The following MSH4 variants were observed in gnomAD, a reference collection of about 807,000 sequenced individuals.
MSH4 encodes mutS protein homolog 4.
MSH4 carries 106 observed loss-of-function variants against 113.7 expected under a neutral mutation model. The observed-to-expected ratio is 0.93, with a 90% CI of 0.80 to 1.10. The LOEUF (loss-of-function observed/expected upper bound fraction) is 1.10. MSH4 is among the 50% of genes least tolerant of loss of function. The pLI, the probability that MSH4 is intolerant of heterozygous loss-of-function variation, is 0.00. For missense variants in MSH4, 1,061 were observed against 1,093.7 expected (o/e 0.97, Z 0.42); for synonymous variants, 368 against 380.2 (o/e 0.97, Z 0.37).
At chr1:75,869,823 A>C (rs1355708789) in intron 9 of MSH4, among the ~76,000 whole-genome samples, 2 of 152,228 alleles carry the variant, frequency 1.3e-5, no homozygotes, top group African/African-American at 4.8e-5. Context: ...CTGTTAGGAC[A>C]GTGCAGAAGG....
At chr1:75,871,334 G>T (rs565280499) in intron 9 of MSH4, among the ~76,000 whole-genome samples, 4 of 152,294 alleles carry the variant, frequency 2.6e-5, no homozygotes, top group African/African-American at 7.2e-5. Flanking sequence ...TTTATGATGA[G>T]ATTTGGGTGG....
At chr1:75,844,418 C>G (rs1214372006) in intron 7 of MSH4, among the ~76,000 whole-genome samples, 1 of 152,126 alleles carries the variant, frequency 6.6e-6, no homozygotes, top group Non-Finnish European at 1.5e-5. Flanking sequence ...CTTCTATCTC[C>G]CTGGCTCAAG....
chr1:75,867,264 A>G (rs1385390409), intron 8 of MSH4, among the ~76,000 whole-genome samples: 1 of 152,192 alleles, frequency 6.6e-6, no homozygotes, highest in Non-Finnish European at 1.5e-5. Flanking sequence ...AACCCAAGAG[A>G]TTGAAATAGA....
At position 75,907,294 on chromosome 1, in the gene MSH4, G is replaced by GT. The variant is rs200567795; in HGVS notation, c.2620-5395dup. 8.4e-4 allele frequency among the ~76,000 whole-genome samples: 128 copies of GT among 152,024 alleles called. No homozygotes were observed. In the East Asian group the frequency reaches 0.019, roughly 23 times the overall value. On this transcript the variant is annotated intron_variant, in intron 19 of 19. Transcript: ENST00000263187. ...CTAGGTATAGTATTCTCAGTTTGCA[G>GT]TTTTTTTCCCTTCAGCACTTTGAAT...
intron 7 of MSH4, among the ~76,000 whole-genome samples, chr1:75,827,931 A>G (rs1650592945): frequency 6.6e-6 from 1 of 152,198 alleles, no homozygotes. Flanking sequence ...CCCACTGTCC[A>G]TATTGTTAAA....
intron 7 of MSH4, among the ~76,000 whole-genome samples, chr1:75,823,532 A>G (rs1650476973): frequency 6.6e-6 from 1 of 152,136 alleles, no homozygotes; most frequent in African/African-American, 2.4e-5. Flanking sequence ...ATAGGTATAC[A>G]TGTGCCATGG....
chr1:75,912,798 A>G lies in MSH4; in HGVS notation c.2722A>G (p.Ser908Gly), dbSNP rs576560640. Residue 908 changes from serine (S) to glycine (G), a missense_variant, in exon 20 of 20, where the codon AGT (serine) becomes GGT (glycine). Coordinates refer to ENST00000263187, the MANE Select transcript of MSH4 (RefSeq NM_002440.4). ...TARNSQLDPD[S>G]LRIYLSNLKK... ...TCGAAACTCTCAATTGGATCCAGAC[A>G]GTTTACGAATATATTTAAGTAACCT... is the stretch of plus-strand genomic sequence containing the variant. 1.9e-6 allele frequency: 3 copies of G among 1,595,644 alleles called. No homozygotes were observed. The highest frequency in any genetic ancestry group is 1.7e-4 in the Middle Eastern group (1 of 6,036).
intron 9 of MSH4, among the ~76,000 whole-genome samples, chr1:75,869,752 G>A (rs889912495): frequency 1.9e-4 from 29 of 152,204 alleles, no homozygotes; most frequent in African/African-American, 5.8e-4. Context: ...GAGGATGTAC[G>A]GAAATGCCTG....
chr1:75,871,016 C>A (rs191622158), intron 9 of MSH4, among the ~76,000 whole-genome samples: 28 of 152,176 alleles, frequency 1.8e-4, no homozygotes, highest in Non-Finnish European at 3.1e-4. Flanking sequence ...TAAAGAACTA[C>A]CAAAGACTGG....
Position 75,885,543 on chromosome 1 carries a change from G to T in MSH4, c.2107+1722G>T, listed in dbSNP as rs571186936. Among the ~76,000 whole-genome samples the T allele has an allele frequency of 2.7e-5, 3 of 112,380 alleles. No homozygotes were observed. The East Asian group carries it at 7.2e-4, about 27-fold the overall frequency. 73.7% of individuals were successfully genotyped at this position (112,380 alleles called of 152,430 possible). A position where few individuals can be genotyped will look rare whatever the true frequency, so the allele number is the denominator to read the frequency against. ...CACATTTATTTCACATTTATATAAT[G>T]AAGGTAATATATATGTATATGTAAA... On this transcript the variant is annotated intron_variant, in intron 15 of 19. Transcript: ENST00000263187.
intron 9 of MSH4, among the ~76,000 whole-genome samples, chr1:75,871,298 G>T (rs934358406): frequency 1.5e-4 from 23 of 152,156 alleles, no homozygotes; most frequent in Non-Finnish European, 3.1e-4. Flanking sequence ...GAAAAGTGAG[G>T]ATTATGGGAA....
chr1:75,880,202 G>A, intron 13 of MSH4, 49 bp downstream of exon 13: 1 of 963,434 alleles, frequency 1.0e-6, no homozygotes, highest in Non-Finnish European at 1.6e-6. Context: ...GGTTTAATTT[G>A]AGAAACTGTT....
At chr1:75,890,668 GAATA>G in intron 16 of MSH4, 24 bp from the exon 17 acceptor site, 1 of 1,251,158 alleles carries the variant, frequency 8.0e-7, no homozygotes, top group Non-Finnish European at 1.1e-6. Context: ...TGGTTACAAT[GAATA>G]AATATTAAAA....
At position 75,822,470 on chromosome 1, in the gene MSH4, C is replaced by T. The variant is rs1650442630; in HGVS notation, c.1051C>T (p.Leu351Phe). 6.3e-7 allele frequency: 1 copy of T among 1,587,396 alleles called. No individual in the cohort carries two copies. The highest frequency in any genetic ancestry group is 8.6e-7 in the Non-Finnish European group (1 of 1,169,106). Residue 351 changes from leucine (L) to phenylalanine (F), a missense_variant, in exon 7 of 20, where the codon CTT becomes TTT. Leu to Phe is a conservative substitution (Grantham distance 22, BLOSUM62 0). Transcript: ENST00000263187. ...YTKTPGGSRRLRSNILEPLVD... is the reference protein window; with the variant it reads ...YTKTPGGSRRFRSNILEPLVD... ...TAAGACTCCTGGAGGGAGTAGACGACTTCGTTCTAATATATTAGAGCCTCT... is the reference window on the plus strand; with the variant it reads ...TAAGACTCCTGGAGGGAGTAGACGATTTCGTTCTAATATATTAGAGCCTCT...
intron 16 of MSH4, 123 bp from the exon 17 acceptor site, chr1:75,890,573 A>T: frequency 2.0e-6 from 1 of 510,280 alleles, no homozygotes; most frequent in Non-Finnish European, 3.4e-6. Context: ...TCTGCTCAGC[A>T]GGATGTCTCT....
At chr1:75,866,818 TA>T (rs566828598) in intron 8 of MSH4, among the ~76,000 whole-genome samples, 1,458 of 142,362 alleles carry the variant, frequency 0.01, 17 homozygotes, top group Admixed American at 0.04. Context: ...CCATCTCTAT[TA>T]AAAAAAAAAA....
At chr1:75,900,859 T>A (rs1652491989) in intron 19 of MSH4, among the ~76,000 whole-genome samples, 1 of 152,178 alleles carries the variant, frequency 6.6e-6, no homozygotes, top group African/African-American at 2.4e-5. Context: ...TCTTTAGAGT[T>A]CATCTTACCA....
At chr1:75,838,089 C>T (rs1273865968) in intron 7 of MSH4, among the ~76,000 whole-genome samples, 2 of 152,162 alleles carry the variant, frequency 1.3e-5, no homozygotes, top group Non-Finnish European at 2.9e-5. Flanking sequence ...TAAAACAACA[C>T]GAATGTATTA....
At chr1:75,822,082 C>T (rs990679235) in intron 6 of MSH4, among the ~76,000 whole-genome samples, 9 of 151,964 alleles carry the variant, frequency 5.9e-5, no homozygotes, top group African/African-American at 2.2e-4. Flanking sequence ...GAGATGGAGA[C>T]CATCCTGGCT....
Sources: allele counts gnomAD v4.1 joint callset (sites outside exome capture counted in the v4.1 genomes callset), GRCh38; gene constraint gnomAD v4.1.1; transcripts MANE v1.5; gene names NCBI Gene and HGNC (gene_info 2026-07-23, HGNC 2026-07-21).